ZC3H12B: variants seen among roughly 807,000 people sequenced by gnomAD.
The protein encoded by ZC3H12B is probable ribonuclease ZC3H12B.
In ZC3H12B, 7 loss-of-function variants were observed where a neutral mutation model predicts 43.9. The observed-to-expected ratio is 0.16, with a 90% CI of 0.09 to 0.30. The LOEUF (loss-of-function observed/expected upper bound fraction) is 0.30, where lower values mean the gene tolerates loss of function less well. ZC3H12B is among the 10% of genes least tolerant of loss of function. The pLI, the probability that ZC3H12B is intolerant of heterozygous loss-of-function variation, is 1.00. For missense variants in ZC3H12B, 475 were observed against 670.2 expected (o/e 0.71, Z 3.22); for synonymous variants, 222 against 241.7 (o/e 0.92, Z 0.76).
chrX:65,098,746 A>G, the ZC3H12B span, among the ~76,000 whole-genome samples: 1 of 111,050 alleles, frequency 9.0e-6, no homozygotes, highest in African/African-American at 3.3e-5. Flanking sequence ...GCAGACCAGG[A>G]GATTTCCTCA....
At chrX:65,101,484 T>C in the ZC3H12B span, among the ~76,000 whole-genome samples, 1 of 110,712 alleles carries the variant, frequency 9.0e-6, no homozygotes, top group Non-Finnish European at 1.9e-5. Context: ...ACAAAATAAA[T>C]AAACCACTAG....
chrX:65,280,870 AAAG>A, the ZC3H12B span, among the ~76,000 whole-genome samples: 1 of 112,183 alleles, frequency 8.9e-6, no homozygotes, highest in Non-Finnish European at 1.9e-5. Flanking sequence ...AACTTGGAAA[AAAG>A]AAATCAAAGA....
At chrX:65,196,805 A>G in the ZC3H12B span, among the ~76,000 whole-genome samples, 18 of 111,618 alleles carry the variant, frequency 1.6e-4, no homozygotes, top group Non-Finnish European at 1.7e-4. Context: ...AAAATAACAA[A>G]GAGGAAACGG....
At chrX:65,473,117 A>G (rs1390001590) in intron 3 of ZC3H12B, among the ~76,000 whole-genome samples, 1 of 104,704 alleles carries the variant, frequency 9.6e-6, no homozygotes, top group African/African-American at 3.5e-5. Context: ...GGGTTCAAGC[A>G]ATTCTTCTGC....
chrX:65,440,083 T>C (rs2067282354), intron 3 of ZC3H12B, among the ~76,000 whole-genome samples: 1 of 112,493 alleles, frequency 8.9e-6, no homozygotes, highest in South Asian at 3.7e-4. Context: ...TGGGCTGTCC[T>C]GTAATCCCTA....
intron 3 of ZC3H12B, among the ~76,000 whole-genome samples, chrX:65,443,855 G>T (rs1261246132): frequency 1.8e-5 from 2 of 112,422 alleles, no homozygotes; most frequent in East Asian, 5.6e-4. Context: ...CAACACCTAG[G>T]TATCTATTTC....
chrX:65,359,729 C>G, the ZC3H12B span, among the ~76,000 whole-genome samples: 6 of 112,268 alleles, frequency 5.3e-5, no homozygotes, highest in Non-Finnish European at 7.5e-5. Flanking sequence ...GGTGGAGATG[C>G]TGTGAGCATT....
the ZC3H12B span, among the ~76,000 whole-genome samples, chrX:65,152,234 C>T: frequency 1.8e-5 from 2 of 111,303 alleles, no homozygotes; most frequent in East Asian, 2.8e-4. Flanking sequence ...CTGGCCAGGG[C>T]AATTAGGCAG....
At chrX:65,159,400 G>A in the ZC3H12B span, among the ~76,000 whole-genome samples, 58 of 111,923 alleles carry the variant, frequency 5.2e-4, no homozygotes, top group African/African-American at 1.7e-3. Flanking sequence ...CTACCCATGA[G>A]CATGGAATGT....
At chrX:65,347,041 C>T in the ZC3H12B span, among the ~76,000 whole-genome samples, 1 of 112,123 alleles carries the variant, frequency 8.9e-6, no homozygotes, top group African/African-American at 3.2e-5. Flanking sequence ...ACAGACACAT[C>T]GTACAGGAGA....
intron 2 of ZC3H12B, among the ~76,000 whole-genome samples, chrX:65,389,132 T>C (rs186089916): frequency 8.9e-6 from 1 of 112,117 alleles, no homozygotes; most frequent in East Asian, 2.8e-4. Context: ...TCTCCAGCTG[T>C]GTACTGGAGA....
At chrX:65,174,470 G>T in the ZC3H12B span, among the ~76,000 whole-genome samples, 1 of 111,863 alleles carries the variant, frequency 8.9e-6, no homozygotes, top group Non-Finnish European at 1.9e-5. Flanking sequence ...CACTGAAGCT[G>T]CGCCCACATC....
At chrX:65,277,233 C>G in the ZC3H12B span, among the ~76,000 whole-genome samples, 6 of 111,492 alleles carry the variant, frequency 5.4e-5, no homozygotes, top group Admixed American at 4.8e-4. Context: ...ATTACTAAAT[C>G]TAAAGAGAGA....
At chrX:65,352,540 G>A in the ZC3H12B span, among the ~76,000 whole-genome samples, 7 of 111,095 alleles carry the variant, frequency 6.3e-5, no homozygotes, top group African/African-American at 2.3e-4. Context: ...CTTTTCGGGG[G>A]TGATAAAATC....
At chrX:65,458,085 T>TAAAAAAAAAAAAAAAAAAAAAAAAGA (rs59738258) in intron 3 of ZC3H12B, among the ~76,000 whole-genome samples, 1 of 49,083 alleles carries the variant, frequency 2.0e-5, no homozygotes, top group Non-Finnish European at 3.8e-5. Context: ...AAAAAAAAAT[T>TAAAAAAAAAAAAAAAAAAAAAAAAGA]AAAAAAAAAA....
the ZC3H12B span, among the ~76,000 whole-genome samples, chrX:65,175,477 T>C: frequency 8.9e-6 from 1 of 111,952 alleles, no homozygotes; most frequent in Admixed American, 9.5e-5. Context: ...AATTTGAAAA[T>C]ATAAAGATTG....
At chrX:65,063,712 G>A in the ZC3H12B span, among the ~76,000 whole-genome samples, 1 of 112,215 alleles carries the variant, frequency 8.9e-6, no homozygotes, top group South Asian at 3.7e-4. Context: ...CTATTGTTTT[G>A]AGAAGTTTCA....
the ZC3H12B span, among the ~76,000 whole-genome samples, chrX:65,316,215 TAG>T: frequency 6.3e-5 from 7 of 111,537 alleles, no homozygotes; most frequent in African/African-American, 2.3e-4. Context: ...AGCATTGAAA[TAG>T]AGAGAGATAA....
chrX:65,119,679 T>A, the ZC3H12B span, among the ~76,000 whole-genome samples: 1 of 111,894 alleles, frequency 8.9e-6, no homozygotes, highest in Non-Finnish European at 1.9e-5. Context: ...TTTTGGCTTC[T>A]GTTGCCATTG....
Sources: allele counts gnomAD v4.1 joint callset (sites outside exome capture counted in the v4.1 genomes callset), GRCh38; gene constraint gnomAD v4.1.1; transcripts MANE v1.5; gene names NCBI Gene and HGNC (gene_info 2026-07-23, HGNC 2026-07-21).